PPEF1: variants seen among roughly 807,000 people sequenced by gnomAD.
PPEF1 encodes protein phosphatase with EF-hand domain 1.
PPEF1 carries 12 observed loss-of-function variants against 53.3 expected under a neutral mutation model. The ratio of observed to expected loss-of-function variants is 0.23; its 90% CI spans 0.14 to 0.36. PPEF1 has a LOEUF of 0.36. Among genes scored for constraint, PPEF1 ranks in the 10% least tolerant of loss-of-function variants. The pLI is 1.00. For synonymous variants in PPEF1, 165 were observed against 176.7 expected (o/e 0.93, Z 0.52); for missense variants, 334 against 490.4 (o/e 0.68, Z 3.01).
chrX:18,821,054 T>G (rs2147754119), intron 13 of PPEF1, among the ~76,000 whole-genome samples: 1 of 108,245 alleles, frequency 9.2e-6, no homozygotes, highest in East Asian at 3.0e-4. Context: ...AAACCCCGTC[T>G]CTACTAAAAA....
chrX:18,717,777 G>T (rs1332156221), intron 1 of PPEF1, among the ~76,000 whole-genome samples: 1 of 111,108 alleles, frequency 9.0e-6, no homozygotes, highest in African/African-American at 3.3e-5. Flanking sequence ...AAATGTTGGG[G>T]CTCCTCTGGG....
At chrX:18,742,477 A>G (rs938376732) in intron 3 of PPEF1, among the ~76,000 whole-genome samples, 1 of 111,930 alleles carries the variant, frequency 8.9e-6, no homozygotes, top group African/African-American at 3.2e-5. Context: ...ATGTGTTATC[A>G]GTTGAGCTCA....
intron 11 of PPEF1, 97 bp downstream of exon 11, chrX:18,804,174 G>T: frequency 1.2e-6 from 1 of 830,011 alleles, no homozygotes; most frequent in Non-Finnish European, 1.7e-6. Flanking sequence ...CCCATGAGAA[G>T]ATGTCTTCTC....
chrX:18,675,092 TGCG>T (rs1928623585), upstream of PPEF1, among the ~76,000 whole-genome samples: 1 of 112,678 alleles, frequency 8.9e-6, no homozygotes, highest in Non-Finnish European at 1.9e-5. Flanking sequence ...GCGAGGAGTT[TGCG>T]GCGGCTTCGA....
At chrX:18,796,981 G>A (rs1229867081) in intron 10 of PPEF1, among the ~76,000 whole-genome samples, 1 of 111,554 alleles carries the variant, frequency 9.0e-6, no homozygotes, top group Non-Finnish European at 1.9e-5. Flanking sequence ...AGAAGTGGGA[G>A]GGAGGAGACT....
chrX:18,775,449 T>G (rs1384954075), intron 6 of PPEF1, among the ~76,000 whole-genome samples: 2 of 111,337 alleles, frequency 1.8e-5, no homozygotes, highest in Admixed American at 1.9e-4. Context: ...GGTCTTGAAC[T>G]CCTGACCTCA....
intron 1 of PPEF1, among the ~76,000 whole-genome samples, chrX:18,709,469 A>G (rs761276181): frequency 9.2e-6 from 1 of 108,257 alleles, no homozygotes; most frequent in South Asian, 4.1e-4. Flanking sequence ...TCATCAATTG[A>G]TAGACATTTG....
At chrX:18,680,381 C>T (rs1224160542), upstream of PPEF1, among the ~76,000 whole-genome samples, 1 of 108,777 alleles carries the variant, frequency 9.2e-6, no homozygotes, top group Non-Finnish European at 1.9e-5. Flanking sequence ...TAGAGACTCA[C>T]TGCCCCCCTT....
intron 1 of PPEF1, among the ~76,000 whole-genome samples, chrX:18,729,838 T>C (rs1309167746): frequency 8.9e-6 from 1 of 112,256 alleles, no homozygotes; most frequent in African/African-American, 3.2e-5. Context: ...TAGGTGCTGT[T>C]ATTATTCCTA....
chrX:18,700,648 T>C (rs898851873), intron 6 of PPEF1, among the ~76,000 whole-genome samples: 18 of 111,603 alleles, frequency 1.6e-4, no homozygotes, highest in Non-Finnish European at 3.0e-4. Context: ...ATCTGAAGGA[T>C]TGTGGCCTAT....
In PPEF1 at chrX:18,818,041, T is replaced by C. The variant is rs889543534; in HGVS notation, c.1397T>C (p.Val466Ala). The change falls in exon 13 of 16, where the codon GTG becomes GCG. Residue 466 changes from valine to alanine, a missense_variant and splice_region_variant. Val to Ala is a moderately conservative substitution (Grantham distance 64, BLOSUM62 0). Coordinates refer to ENST00000470157, the MANE Select transcript of PPEF1 (RefSeq NM_001377996.1). Reference protein sequence around the residue: ...ATCFQPLRQRVDTMENSAIKI... With the variant: ...ATCFQPLRQRADTMENSAIKI... ...CCTAATTATTGTTTTCTTTGCAGAG[T>C]GGATACTATGGAAAACAGCGCCATC... The C allele has an allele frequency of 8.6e-7, 1 of 1,168,465 alleles. No homozygotes were observed. The highest frequency in any genetic ancestry group is 1.2e-6 in the Non-Finnish European group (1 of 866,513).
At chrX:18,704,436 A>G (rs1425175510), upstream of PPEF1, among the ~76,000 whole-genome samples, 1 of 110,570 alleles carries the variant, frequency 9.0e-6, no homozygotes, top group East Asian at 2.9e-4. Context: ...AAGCCTGGGA[A>G]TCTGCATCCC....
intron 12 of PPEF1, among the ~76,000 whole-genome samples, chrX:18,810,746 G>T (rs750583922): frequency 8.9e-6 from 1 of 112,049 alleles, no homozygotes; most frequent in South Asian, 3.7e-4. Context: ...CCATTGTATG[G>T]ATAGACCACA....
intron 3 of PPEF1, among the ~76,000 whole-genome samples, chrX:18,687,979 G>T (rs764389206): frequency 9.0e-6 from 1 of 111,595 alleles, no homozygotes; most frequent in African/African-American, 3.3e-5. Flanking sequence ...GTGAGCTACA[G>T]CGCCCGGCCT....
At chrX:18,766,653 G>A (rs939669036) in intron 6 of PPEF1, among the ~76,000 whole-genome samples, 3 of 112,262 alleles carry the variant, frequency 2.7e-5, no homozygotes, top group African/African-American at 9.7e-5. Context: ...CTTCTCTCAC[G>A]CAAGGTTCAC....
chrX:18,809,894 TAA>T (rs2046769609), intron 12 of PPEF1, among the ~76,000 whole-genome samples: 1 of 111,505 alleles, frequency 9.0e-6, no homozygotes, highest in Non-Finnish European at 1.9e-5. Context: ...ATGTGGAATC[TAA>T]AAAAGCTGAA....
chrX:18,683,579 A>G (rs1292918264), intron 1 of PPEF1, among the ~76,000 whole-genome samples: 1 of 111,901 alleles, frequency 8.9e-6, no homozygotes, highest in Non-Finnish European at 1.9e-5. Context: ...TCACACAGTG[A>G]CATAAAGAAG....
intron 1 of PPEF1, among the ~76,000 whole-genome samples, chrX:18,713,481 A>G (rs1340466436): frequency 5.5e-5 from 5 of 90,924 alleles, no homozygotes; most frequent in Non-Finnish European, 6.3e-5. Flanking sequence ...GCAAACCCAT[A>G]TGGAGTGCGT....
intron 9 of PPEF1, among the ~76,000 whole-genome samples, chrX:18,786,670 CT>C (rs2046208271): frequency 9.3e-6 from 1 of 107,112 alleles, no homozygotes; most frequent in Non-Finnish European, 1.9e-5. Context: ...GTAATCCCAG[CT>C]ACTTGGGAGG....
Sources: allele counts gnomAD v4.1 joint callset (sites outside exome capture counted in the v4.1 genomes callset), GRCh38; gene constraint gnomAD v4.1.1; transcripts MANE v1.5; gene names NCBI Gene and HGNC (gene_info 2026-07-23, HGNC 2026-07-21).